UNC13C: variants seen among roughly 807,000 people sequenced by gnomAD.
UNC13C encodes the protein unc-13 homolog C, also known as protein unc-13 homolog C.
A neutral mutation model predicts 245.4 loss-of-function variants in UNC13C; 174 were observed. That is an observed-to-expected ratio of 0.71 (90% CI 0.63 to 0.80). The LOEUF (loss-of-function observed/expected upper bound fraction) is 0.80, where lower values mean the gene tolerates loss of function less well. Ranked by LOEUF, UNC13C falls within the 30% of genes least tolerant of loss-of-function variation. The probability of loss-of-function intolerance (pLI) is 0.00; values close to 1 mark genes in which losing one functional copy is unlikely to be tolerated. For missense variants in UNC13C, 2,829 were observed against 2,602.9 expected, an observed-to-expected ratio of 1.09 and a Z score of -1.89; for synonymous variants, 992 against 895.1, an observed-to-expected ratio of 1.11 and a Z score of -1.93.
intron 19 of UNC13C, among the ~76,000 whole-genome samples, chr15:54,493,929 T>C (rs1596473880): frequency 6.6e-6 from 1 of 152,238 alleles, no homozygotes; most frequent in South Asian, 2.1e-4. Flanking sequence ...GAAATCCTGC[T>C]AAGAATGTAT....
intron 19 of UNC13C, among the ~76,000 whole-genome samples, chr15:54,430,954 A>G (rs1293898801): frequency 1.3e-5 from 2 of 151,758 alleles, no homozygotes; most frequent in Admixed American, 1.3e-4. Context: ...GTCATGAACC[A>G]TGTTGCAACT....
chr15:53,991,693 AAGTT>A (rs1894397186), intron 1 of UNC13C, among the ~76,000 whole-genome samples: 1 of 152,008 alleles, frequency 6.6e-6, no homozygotes, highest in Non-Finnish European at 1.5e-5. Flanking sequence ...CCATAGCTCT[AAGTT>A]AGGCCTCCAT....
the UNC13C span, among the ~76,000 whole-genome samples, chr15:53,852,250 T>G: frequency 4.6e-5 from 7 of 152,202 alleles, no homozygotes; most frequent in African/African-American, 1.7e-4. Context: ...TTGGTCACAG[T>G]GTCTTCTGTG....
chr15:53,927,672 G>A, the UNC13C span, among the ~76,000 whole-genome samples: 1 of 152,216 alleles, frequency 6.6e-6, no homozygotes, highest in South Asian at 2.1e-4. Flanking sequence ...GGAGGGTTCT[G>A]AGCCTGAAAT....
In UNC13C at chr15:54,266,002, T is replaced by A. The variant is rs184922511; in HGVS notation, c.3818+506T>A. On this transcript the variant is annotated intron_variant, in intron 10 of 32. Coordinates refer to ENST00000260323, the MANE Select transcript of UNC13C (RefSeq NM_001080534.3). ...GGCATTTATTTTTAAACCTCTTACA[T>A]CTTTTACTGAAAAGCAGAAACTCAT... Among the ~76,000 whole-genome samples the A allele has an allele frequency of 2.0e-5, 3 of 152,180 alleles. No homozygotes were observed. In the East Asian group the frequency reaches 5.8e-4, roughly 29 times the overall value.
At chr15:53,998,990 A>G (rs753647255) in intron 1 of UNC13C, among the ~76,000 whole-genome samples, 1 of 151,930 alleles carries the variant, frequency 6.6e-6, no homozygotes. Flanking sequence ...ACACATTTCT[A>G]TATTTTATTT....
chr15:54,032,250 A>T (rs1293043553), intron 2 of UNC13C, among the ~76,000 whole-genome samples: 2 of 152,200 alleles, frequency 1.3e-5, no homozygotes, highest in African/African-American at 4.8e-5. Context: ...TGAACGATTT[A>T]GAAAGAATAG....
chr15:54,071,892 T>G (rs1377012237), intron 2 of UNC13C, among the ~76,000 whole-genome samples: 1 of 152,114 alleles, frequency 6.6e-6, no homozygotes, highest in South Asian at 2.1e-4. Context: ...TGGCCTGACT[T>G]ACTGCTGGTC....
At chr15:54,191,713 G>C (rs2034189921) in intron 4 of UNC13C, among the ~76,000 whole-genome samples, 1 of 152,096 alleles carries the variant, frequency 6.6e-6, no homozygotes. Flanking sequence ...TCCAGCATCT[G>C]TTGTTTCCTG....
intron 19 of UNC13C, among the ~76,000 whole-genome samples, chr15:54,491,159 T>G (rs180778425): frequency 6.6e-6 from 1 of 152,346 alleles, no homozygotes; most frequent in Admixed American, 6.5e-5. Context: ...TAAATGAAAC[T>G]GAGTTGCTTT....
At chr15:54,084,969 G>A (rs148227801) in intron 2 of UNC13C, among the ~76,000 whole-genome samples, 176 of 152,100 alleles carry the variant, frequency 1.2e-3, no homozygotes, top group African/African-American at 4.1e-3. Context: ...TTTGATATGT[G>A]GCAGGTACAT....
chr15:54,314,640 C>T (rs1223807221), intron 13 of UNC13C, among the ~76,000 whole-genome samples: 2 of 151,502 alleles, frequency 1.3e-5, no homozygotes, highest in Non-Finnish European at 1.5e-5. Context: ...ACAGAGAGGA[C>T]ATTAGACTTC....
At chr15:54,478,769 G>GA (rs1176937939) in intron 19 of UNC13C, among the ~76,000 whole-genome samples, 3 of 151,954 alleles carry the variant, frequency 2.0e-5, no homozygotes, top group East Asian at 2.0e-4. Flanking sequence ...GTGTGGTGCT[G>GA]AAAAAAATGT....
At chr15:54,437,112 G>GA (rs1166760497) in intron 19 of UNC13C, among the ~76,000 whole-genome samples, 2 of 151,882 alleles carry the variant, frequency 1.3e-5, no homozygotes, top group African/African-American at 4.8e-5. Context: ...TAACAAACTT[G>GA]TCTTTTCCCC....
At chr15:53,880,822 C>T in the UNC13C span, among the ~76,000 whole-genome samples, 1 of 151,882 alleles carries the variant, frequency 6.6e-6, no homozygotes, top group Non-Finnish European at 1.5e-5. Flanking sequence ...CCTCCATTGC[C>T]TCTTACTCTC....
chr15:54,223,903 A>T (rs2035299528), intron 4 of UNC13C, among the ~76,000 whole-genome samples: 1 of 152,084 alleles, frequency 6.6e-6, no homozygotes, highest in Admixed American at 6.6e-5. Context: ...TAACTATTGT[A>T]AATGAGGTTA....
At chr15:54,485,005 T>C (rs1269171764) in intron 19 of UNC13C, among the ~76,000 whole-genome samples, 1 of 152,108 alleles carries the variant, frequency 6.6e-6, no homozygotes, top group African/African-American at 2.4e-5. Context: ...TGGATGAATT[T>C]TTTTTTTGTT....
chr15:53,861,832 A>G, the UNC13C span, among the ~76,000 whole-genome samples: 9 of 152,180 alleles, frequency 5.9e-5, no homozygotes, highest in African/African-American at 1.9e-4. Context: ...GCAACTGCCT[A>G]CCTTTCTCTT....
intron 1 of UNC13C, among the ~76,000 whole-genome samples, 175 bp downstream of exon 1, chr15:53,979,102 A>G (rs115914790): frequency 3.1e-4 from 47 of 151,590 alleles, no homozygotes; most frequent in African/African-American, 9.9e-4. Flanking sequence ...ACATGATTCT[A>G]TGGAGCATCA....
Sources: allele counts gnomAD v4.1 joint callset (sites outside exome capture counted in the v4.1 genomes callset), GRCh38; gene constraint gnomAD v4.1.1; transcripts MANE v1.5; gene names NCBI Gene and HGNC (gene_info 2026-07-23, HGNC 2026-07-21).